The following NEURL1 variants were observed in gnomAD, a reference collection of about 807,000 sequenced individuals.
NEURL1 encodes the protein neuralized E3 ubiquitin protein ligase 1, also known as E3 ubiquitin-protein ligase NEURL1.
A neutral mutation model predicts 41.2 loss-of-function variants in NEURL1; 26 were observed. That is an observed-to-expected ratio of 0.63 (90% CI 0.46 to 0.87). The LOEUF (loss-of-function observed/expected upper bound fraction) is 0.87, where lower values mean the gene tolerates loss of function less well. Ranked by LOEUF, NEURL1 falls within the 40% of genes least tolerant of loss-of-function variation. The probability of loss-of-function intolerance (pLI) is 0.00; values close to 1 mark genes in which losing one functional copy is unlikely to be tolerated. For synonymous variants in NEURL1, 400 were observed against 402.3 expected, an observed-to-expected ratio of 0.99 and a Z score of 0.07; for missense variants, 761 against 871.1, an observed-to-expected ratio of 0.87 and a Z score of 1.59.
At chr10:103,512,672 C>T (rs1301302685) in intron 1 of NEURL1, among the ~76,000 whole-genome samples, 5 of 152,154 alleles carry the variant, frequency 3.3e-5, no homozygotes, top group African/African-American at 1.2e-4. Flanking sequence ...TGCTGCTCGG[C>T]AGTTTCCCCA....
intron 1 of NEURL1, among the ~76,000 whole-genome samples, chr10:103,565,025 G>A (rs1176293742): frequency 3.3e-5 from 5 of 152,206 alleles, no homozygotes; most frequent in African/African-American, 1.2e-4. Context: ...CGCGGCCCCA[G>A]CCCTGGTTTA....
chr10:103,532,898 A>G (rs2034600764), intron 1 of NEURL1, among the ~76,000 whole-genome samples: 1 of 137,880 alleles, frequency 7.3e-6, no homozygotes, highest in Non-Finnish European at 1.6e-5. Context: ...TAGGTTTTCT[A>G]CACCTTTTTC....
Position 103,558,823 on chromosome 10 carries a change from T to C in NEURL1, c.86-12049T>C, listed in dbSNP as rs2035219704. Among the ~76,000 whole-genome samples, 1 of 151,932 alleles carries C rather than the reference T, an allele frequency of 6.6e-6. No homozygotes were observed. ...CTTTCCCCCCACTTCCTCCTTCACC[T>C]CCCTTCAATGCTCCCTCAGGGCAAG... On this transcript the variant is annotated intron_variant, in intron 1 of 5. Coordinates refer to ENST00000369780, the MANE Select transcript of NEURL1 (RefSeq NM_004210.5). This position sits in a 1 kb window ranked among gnomAD's most constrained non-coding sequence, Gnocchi z 4.2.
At chr10:103,498,949 T>C (rs1336655397) in intron 1 of NEURL1, among the ~76,000 whole-genome samples, 1 of 152,262 alleles carries the variant, frequency 6.6e-6, no homozygotes, top group African/African-American at 2.4e-5. Flanking sequence ...TGGTGGACTT[T>C]AGGATGTTTC....
Position 103,494,281 on chromosome 10 carries a change from C to T in NEURL1, c.-107C>T. On this transcript the variant is annotated 5_prime_UTR_variant, in exon 1 of 6. Transcript: ENST00000369780. Reference sequence around the variant, plus strand: ...CCCCGGCTGCAGCCCCAGCAGGGCCCTCCCCCGGTGGCGCGCACCCGCGCG... The same window carrying T: ...CCCCGGCTGCAGCCCCAGCAGGGCCTTCCCCCGGTGGCGCGCACCCGCGCG... 2.3e-6 allele frequency: 2 copies of T among 861,550 alleles called. No individual in the cohort carries two copies. Among genetic ancestry groups the T allele is most frequent in the South Asian group, 1.8e-5 (1 of 54,890 alleles). 53.4% of individuals were successfully genotyped at this position (861,550 alleles called of 1,614,324 possible). A position where few individuals can be genotyped will look rare whatever the true frequency, so the allele number is the denominator to read the frequency against.
rs1206699872 is a variant in NEURL1, at chr10:103,508,128, A to G, written c.85+13656A>G. On this transcript the variant is annotated intron_variant, in intron 1 of 5. Coordinates refer to ENST00000369780, the MANE Select transcript of NEURL1 (RefSeq NM_004210.5). This position sits in a 1 kb window ranked among gnomAD's most constrained non-coding sequence, Gnocchi z 4.3. The stretch of plus-strand genomic sequence containing the variant: ...GCTGAGAACCAGGCAACAGCTGGGA[A>G]AGTGGGGAGAGGAGGAAACGCCTGT... Among the ~76,000 whole-genome samples the G allele has an allele frequency of 6.6e-6, 1 of 152,242 alleles. No homozygotes were observed. The highest frequency in any genetic ancestry group is 2.4e-5 in the African/African-American group (1 of 41,460).
chr10:103,523,600 C>T (rs1209809265), intron 1 of NEURL1, among the ~76,000 whole-genome samples: 1 of 152,178 alleles, frequency 6.6e-6, no homozygotes, highest in African/African-American at 2.4e-5. Flanking sequence ...GGTTATCCCT[C>T]TCCCCCTTCC....
intron 1 of NEURL1, among the ~76,000 whole-genome samples, chr10:103,513,634 G>A (rs1017051813): frequency 2.6e-5 from 4 of 152,242 alleles, no homozygotes; most frequent in Non-Finnish European, 5.9e-5. Context: ...TCACAGAGGA[G>A]CAGGGACCTA....
intron 1 of NEURL1, among the ~76,000 whole-genome samples, 167 bp from the exon 2 acceptor site, chr10:103,570,705 G>C (rs527707665): frequency 6.6e-6 from 1 of 152,146 alleles, no homozygotes; most frequent in South Asian, 2.1e-4. Flanking sequence ...GTGGGAGATG[G>C]TGAGAGATGG....
At chr10:103,518,243 G>A (rs2034262169) in intron 1 of NEURL1, among the ~76,000 whole-genome samples, 2 of 150,832 alleles carry the variant, frequency 1.3e-5, no homozygotes, top group African/African-American at 4.9e-5. Context: ...TAAAAAAAAA[G>A]TCTACTATAT....
At chr10:103,553,959 C>T (rs1439272682) in intron 1 of NEURL1, among the ~76,000 whole-genome samples, 1 of 152,250 alleles carries the variant, frequency 6.6e-6, no homozygotes, top group Non-Finnish European at 1.5e-5. Context: ...CAGACATGGC[C>T]TGAGTCCTGG....
chr10:103,555,978 G>A (rs548256900), intron 1 of NEURL1, among the ~76,000 whole-genome samples: 4 of 152,368 alleles, frequency 2.6e-5, no homozygotes, highest in African/African-American at 4.8e-5. Context: ...GAAGGTGCCC[G>A]TGGGTGTGCA....
chr10:103,494,169 C>T lies in NEURL1; in HGVS notation c.-219C>T. On this transcript the variant is annotated 5_prime_UTR_variant, in exon 1 of 6. Coordinates refer to ENST00000369780, the MANE Select transcript of NEURL1 (RefSeq NM_004210.5). ...CACGGGGCATGGGAGGCAGGTAGCC[C>T]AGCCTGCGCCAGGACACCCGTGGCG... is the stretch of plus-strand genomic sequence containing the variant. The T allele has an allele frequency of 2.1e-6, 1 of 480,586 alleles. No homozygotes were observed. The highest frequency in any genetic ancestry group is 3.7e-6 in the Non-Finnish European group (1 of 273,382). 29.8% of individuals were successfully genotyped at this position (480,586 alleles called of 1,614,324 possible).
At chr10:103,510,160 C>G (rs2034037459) in intron 1 of NEURL1, among the ~76,000 whole-genome samples, 1 of 152,142 alleles carries the variant, frequency 6.6e-6, no homozygotes, top group Non-Finnish European at 1.5e-5. Flanking sequence ...GGCTCCAGCC[C>G]TGGCCTTGGT....
At position 103,493,791 on chromosome 10, in the gene NEURL1, G is replaced by A. The variant is rs1449629441; in HGVS notation, c.-597G>A. On this transcript the variant is annotated 5_prime_UTR_variant, in exon 1 of 6. Transcript: ENST00000369780. ...TGCCGGGGCGGGGGGCGGGGGCGGC[G>A]GTCGCAGGAGGGACCCGGCGCGGGC... Among the ~76,000 whole-genome samples, 1 of 151,860 alleles carries A rather than the reference G, an allele frequency of 6.6e-6. No homozygotes were observed. The highest frequency in any genetic ancestry group is 1.5e-5 in the Non-Finnish European group (1 of 67,922).
chr10:103,523,190 C>T (rs2034391834), intron 1 of NEURL1, among the ~76,000 whole-genome samples: 1 of 152,116 alleles, frequency 6.6e-6, no homozygotes, highest in Non-Finnish European at 1.5e-5. Context: ...CTTGGTGGCT[C>T]AAGCTTGTAA....
At chr10:103,522,301 A>G (rs2034367543) in intron 1 of NEURL1, among the ~76,000 whole-genome samples, 2 of 151,608 alleles carry the variant, frequency 1.3e-5, no homozygotes, top group South Asian at 4.2e-4. Context: ...CTGGGTCTTC[A>G]TTTTTATGTT....
intron 1 of NEURL1, among the ~76,000 whole-genome samples, chr10:103,549,568 G>A (rs1472100249): frequency 6.6e-6 from 1 of 152,232 alleles, no homozygotes; most frequent in Non-Finnish European, 1.5e-5. Flanking sequence ...AATGAGTAGA[G>A]AGGATGGGGC....
At chr10:103,557,650 C>T (rs1352044190) in intron 1 of NEURL1, among the ~76,000 whole-genome samples, 6 of 152,192 alleles carry the variant, frequency 3.9e-5, no homozygotes, top group African/African-American at 1.4e-4. Context: ...CAGCCAACCT[C>T]CACCCCCATC....
Sources: gnomAD v4.1 joint callset for allele counts (sites outside exome capture counted in the v4.1 genomes callset) on GRCh38, gnomAD v4.1.1 for gene constraint, Gnocchi (gnomAD v3.1) non-coding constraint, MANE v1.5 for transcripts, NCBI Gene and HGNC (gene_info 2026-07-23, HGNC 2026-07-21) for gene names.